Variants in ITSN2 observed in about 807,000 individuals in gnomAD.
ITSN2 encodes the protein intersectin-2.
A neutral mutation model predicts 243.7 loss-of-function variants in ITSN2; 156 were observed. The observed-to-expected ratio is 0.64, with a 90% CI of 0.56 to 0.73. The LOEUF (loss-of-function observed/expected upper bound fraction) is 0.73, where lower values mean the gene tolerates loss of function less well. Among genes scored for constraint, ITSN2 ranks in the 30% least tolerant of loss-of-function variants. The pLI is 0.00. For synonymous variants in ITSN2, 703 were observed against 699.9 expected, an observed-to-expected ratio of 1.00 and a Z score of -0.07; for missense variants, 1,801 against 1,996.1, an observed-to-expected ratio of 0.90 and a Z score of 1.86.
intron 29 of ITSN2, chr2:24,241,424 A>G (rs1287743974): frequency 6.6e-6 from 1 of 152,436 alleles, no homozygotes; most frequent in Non-Finnish European, 1.5e-5. Context: ...ATTAGCCCAG[A>G]GCACATAAAG....
chr2:24,317,352 C>G (rs1297671075), intron 2 of ITSN2, among the ~76,000 whole-genome samples: 1 of 151,750 alleles, frequency 6.6e-6, no homozygotes, highest in Non-Finnish European at 1.5e-5. Flanking sequence ...CCATAGCACT[C>G]CAGCCTGCGC....
intron 15 of ITSN2, among the ~76,000 whole-genome samples, chr2:24,291,868 C>T (rs1311328855): frequency 6.6e-6 from 1 of 152,098 alleles, no homozygotes; most frequent in East Asian, 1.9e-4. Flanking sequence ...TATATGAGCA[C>T]TATGTTGGGT....
Position 24,261,752 on chromosome 2 carries a change from TA to T in ITSN2, c.2356-11del. ...CGGTTTTTTCATCAACCTACGGAAA[TA>T]AAAAGAAGGATTAACAGTGCTTAGA... is the stretch of plus-strand genomic sequence containing the variant. On this transcript the variant is annotated splice_polypyrimidine_tract_variant and intron_variant, in intron 20 of 39. Transcript: ENST00000355123. 5 of 1,602,386 alleles carry T rather than the reference TA, an allele frequency of 3.1e-6. No homozygotes were observed. The highest frequency in any genetic ancestry group is 3.4e-6 in the Non-Finnish European group (4 of 1,172,636).
intron 15 of ITSN2, chr2:24,293,319 A>G (rs1304774119): frequency 6.3e-6 from 1 of 159,396 alleles, no homozygotes; most frequent in African/African-American, 2.4e-5. Flanking sequence ...CCCACCATAA[A>G]GCCTCCTCCT....
intron 22 of ITSN2, among the ~76,000 whole-genome samples, chr2:24,259,786 G>C (rs1182286877): frequency 1.3e-5 from 2 of 152,118 alleles, no homozygotes; most frequent in Non-Finnish European, 2.9e-5. Flanking sequence ...CTCACCAATT[G>C]AGTAAGATGA....
intron 2 of ITSN2, among the ~76,000 whole-genome samples, chr2:24,317,497 G>A (rs900936713): frequency 2.6e-5 from 4 of 152,212 alleles, no homozygotes; most frequent in Admixed American, 2.6e-4. Context: ...GAAGCTGCAA[G>A]TTGCTGGTGT....
intron 1 of ITSN2, among the ~76,000 whole-genome samples, chr2:24,359,564 T>C (rs1688761809): frequency 1.3e-5 from 2 of 152,280 alleles, no homozygotes; most frequent in South Asian, 2.1e-4. Context: ...CATCTTTCTA[T>C]AGAATACAAA....
intron 32 of ITSN2, chr2:24,214,377 G>C (rs1369644419): frequency 1.3e-5 from 2 of 152,074 alleles, no homozygotes; most frequent in Middle Eastern, 3.2e-3. Context: ...TTTAGAGTTG[G>C]AGAGAATTCC....
intron 13 of ITSN2, 96 bp from the exon 14 acceptor site, chr2:24,295,900 C>G: frequency 2.1e-6 from 2 of 931,154 alleles, no homozygotes; most frequent in Non-Finnish European, 3.0e-6. Flanking sequence ...TTTAAAATCT[C>G]AGTTATCATT....
intron 8 of ITSN2, among the ~76,000 whole-genome samples, chr2:24,305,240 A>T (rs1558592135): frequency 6.6e-6 from 1 of 152,186 alleles, no homozygotes; most frequent in Non-Finnish European, 1.5e-5. Flanking sequence ...AGTTACATCA[A>T]TGACTTGATC....
intron 22 of ITSN2, among the ~76,000 whole-genome samples, chr2:24,260,463 A>G (rs1308373424): frequency 1.4e-5 from 2 of 142,516 alleles, no homozygotes; most frequent in South Asian, 2.2e-4. Context: ...TAACTTTAAG[A>G]AAAAAAAAAA....
chr2:24,303,706 C>A, intron 9 of ITSN2, 93 bp downstream of exon 9: 1 of 877,868 alleles, frequency 1.1e-6, no homozygotes, highest in Non-Finnish European at 1.9e-6. Flanking sequence ...CAAACTTTTA[C>A]AGAAACAGTA....
At position 24,211,836 on chromosome 2, in the gene ITSN2, C is replaced by T. The variant is rs190182617; in HGVS notation, c.4089+814G>A. ...ATTATATGGTATTTGAGCTACATTC[C>T]GAATTCTGAAACACATCTGGCCCCA... On this transcript the variant is annotated intron_variant, in intron 33 of 39. Transcript: ENST00000355123. The surrounding 1 kb of genome is among the most constrained non-coding windows in gnomAD (Gnocchi z 4.1). 3.9e-5 allele frequency among the ~76,000 whole-genome samples: 6 copies of T among 152,238 alleles called. No homozygotes were observed. Among genetic ancestry groups the T allele is most frequent in the Admixed American group, 2.6e-4 (4 of 15,280 alleles).
In ITSN2 at chr2:24,249,111, C is replaced by T. The variant is rs577358080; in HGVS notation, c.3121-229G>A. The stretch of plus-strand genomic sequence containing the variant: ...TACATTATATACGAGTGGCTGTCAT[C>T]GTCAACCATTGACTCAACAGGAAGA... On this transcript the variant is annotated intron_variant, in intron 25 of 39. Coordinates refer to ENST00000355123, the MANE Select transcript of ITSN2 (RefSeq NM_006277.3). The surrounding 1 kb of genome is among the most constrained non-coding windows in gnomAD (Gnocchi z 4.4). Among the ~76,000 whole-genome samples the T allele has an allele frequency of 1.3e-5, 2 of 152,138 alleles. No individual in the cohort carries two copies. The highest frequency in any genetic ancestry group is 2.9e-5 in the Non-Finnish European group (2 of 68,006).
chr2:24,325,109 G>A (rs1292393033), intron 2 of ITSN2, among the ~76,000 whole-genome samples: 1 of 151,950 alleles, frequency 6.6e-6, no homozygotes, highest in Non-Finnish European at 1.5e-5. Flanking sequence ...GAATTTTCTA[G>A]GAACAAAAAG....
chr2:24,305,215 T>C (rs1373675308), intron 8 of ITSN2, among the ~76,000 whole-genome samples: 8 of 152,130 alleles, frequency 5.3e-5, no homozygotes, highest in Non-Finnish European at 1.2e-4. Flanking sequence ...CCAGAAAGTA[T>C]GTGATTCAGG....
rs535545529 is a variant in ITSN2, at chr2:24,337,279, A to G, written c.-33-9164T>C. Among the ~76,000 whole-genome samples, 149 of 97,918 alleles carry G rather than the reference A, an allele frequency of 1.5e-3. 1 individual carries two copies. The highest frequency in any genetic ancestry group is 4.8e-3 in the African/African-American group (129 of 26,920). The allele number at this position is 97,918 out of a possible 152,430, so 64.2% of individuals were successfully genotyped here. A position where few individuals can be genotyped will look rare whatever the true frequency, so the allele number is the denominator to read the frequency against. ...CCTGCAGGCGTGTGTGTCTATATGT[A>G]TGTATGTGTGTGTGTGTGTGTGTGT... On this transcript the variant is annotated intron_variant, in intron 1 of 39. Coordinates refer to ENST00000355123, the MANE Select transcript of ITSN2 (RefSeq NM_006277.3).
chr2:24,318,564 A>G (rs182665497), intron 2 of ITSN2, among the ~76,000 whole-genome samples: 4 of 152,258 alleles, frequency 2.6e-5, no homozygotes, highest in African/African-American at 9.6e-5. Flanking sequence ...GTGGTCACTG[A>G]CTGTAGCTGT....
At chr2:24,353,928 T>C (rs140209811) in intron 1 of ITSN2, among the ~76,000 whole-genome samples, 202 of 152,340 alleles carry the variant, frequency 1.3e-3, no homozygotes, top group African/African-American at 4.8e-3. Context: ...ATCAAATTCA[T>C]ATGATATGTG....
Sources: allele counts gnomAD v4.1 joint callset (sites outside exome capture counted in the v4.1 genomes callset), GRCh38; gene constraint gnomAD v4.1.1; non-coding constraint Gnocchi (gnomAD v3.1); transcripts MANE v1.5; gene names NCBI Gene and HGNC (gene_info 2026-07-23, HGNC 2026-07-21).